ARFGEF2: variants seen among roughly 807,000 people sequenced by gnomAD.
The protein encoded by ARFGEF2 is ARF guanine nucleotide exchange factor 2, also known as brefeldin A-inhibited guanine nucleotide-exchange protein 2.
Under a neutral mutation model 219.9 loss-of-function variants are expected in ARFGEF2, and 74 were observed. The ratio of observed to expected loss-of-function variants is 0.34; its 90% CI spans 0.28 to 0.41. The LOEUF is 0.41. Among genes scored for constraint, ARFGEF2 ranks in the 10% least tolerant of loss-of-function variants. The pLI is 1.00. For synonymous variants in ARFGEF2, 733 were observed against 799.2 expected, an observed-to-expected ratio of 0.92 and a Z score of 1.40; for missense variants, 1,743 against 2,218.3, an observed-to-expected ratio of 0.79 and a Z score of 4.30.
At chr20:48,950,560 C>T (rs1792360246) in intron 3 of ARFGEF2, among the ~76,000 whole-genome samples, 1 of 151,588 alleles carries the variant, frequency 6.6e-6, no homozygotes, top group Admixed American at 6.6e-5. Flanking sequence ...TTTGAGATTA[C>T]AGGCAGGAGG....
At chr20:49,023,229 T>C (rs759744567) in intron 35 of ARFGEF2, 48 bp downstream of exon 35, 8 of 1,611,382 alleles carry the variant, frequency 5.0e-6, no homozygotes, top group Non-Finnish European at 5.9e-6. Context: ...ATAGGGAGGT[T>C]GCTTTGATGT....
intron 21 of ARFGEF2, among the ~76,000 whole-genome samples, chr20:48,992,104 G>C (rs570577577): frequency 2.6e-5 from 4 of 152,164 alleles, no homozygotes; most frequent in African/African-American, 9.7e-5. Flanking sequence ...AATTAAAAGA[G>C]ATTTCAGAAA....
chr20:49,013,426 C>T, intron 28 of ARFGEF2, 138 bp from the exon 29 acceptor site: 2 of 1,049,426 alleles, frequency 1.9e-6, no homozygotes, highest in Non-Finnish European at 2.9e-6. Flanking sequence ...TTTGTGTAGT[C>T]TGTTCCCACT....
chr20:48,987,892 A>G (rs1039412662), intron 16 of ARFGEF2, among the ~76,000 whole-genome samples: 8 of 152,096 alleles, frequency 5.3e-5, no homozygotes, highest in Admixed American at 2.0e-4. Flanking sequence ...GGTTCAGGCA[A>G]TTCTCCTGCC....
At chr20:48,982,164 T>G (rs1015848406) in intron 14 of ARFGEF2, among the ~76,000 whole-genome samples, 1 of 152,152 alleles carries the variant, frequency 6.6e-6, no homozygotes, top group Admixed American at 6.5e-5. Context: ...CAGATGGGGT[T>G]TTGGTGTGGA....
At chr20:48,998,274 C>T (rs577213889) in intron 24 of ARFGEF2, 41 bp downstream of exon 24, 68 of 1,613,960 alleles carry the variant, frequency 4.2e-5, no homozygotes, top group Non-Finnish European at 5.6e-5. Context: ...AGAAGCCTCA[C>T]GCTGTGACCG....
At chr20:49,025,137 C>T (rs2091593862) in intron 35 of ARFGEF2, among the ~76,000 whole-genome samples, 176 bp from the exon 36 acceptor site, 1 of 152,210 alleles carries the variant, frequency 6.6e-6, no homozygotes, top group Admixed American at 6.5e-5. Context: ...CAGTGTGTTC[C>T]TTCACCAGCC....
chr20:48,953,741 A>G lies in ARFGEF2; in HGVS notation c.789A>G (p.Val263=). ...ATGCCAGGAGTGATTCTGGAAAAGT[A>G]AGCACAGAAAATGGAGACGCACCCA... ...GEHARSDSGK[V]STENGDAPRE... The change falls in exon 6 of 39, where the codon GTA becomes GTG. Residue 263 remains valine (V), a synonymous_variant. Coordinates refer to ENST00000371917, the MANE Select transcript of ARFGEF2 (RefSeq NM_006420.3). 6.2e-7 allele frequency: 1 copy of G among 1,614,222 alleles called. No individual in the cohort carries two copies. The highest frequency in any genetic ancestry group is 8.5e-7 in the Non-Finnish European group (1 of 1,180,024).
chr20:48,943,179 A>G (rs1405199760), intron 3 of ARFGEF2, among the ~76,000 whole-genome samples: 2 of 152,244 alleles, frequency 1.3e-5, no homozygotes, highest in African/African-American at 2.4e-5. Context: ...TGAAACAAGG[A>G]GGCATAGTGT....
chr20:48,929,507 T>G (rs1032387280), intron 1 of ARFGEF2, among the ~76,000 whole-genome samples: 1 of 152,078 alleles, frequency 6.6e-6, no homozygotes, highest in East Asian at 1.9e-4. Context: ...AGTTTGCAGT[T>G]GAATGGGGTA....
chr20:49,008,714 T>G (rs1038106976), intron 26 of ARFGEF2, among the ~76,000 whole-genome samples: 2 of 144,324 alleles, frequency 1.4e-5, no homozygotes, highest in South Asian at 2.2e-4. Context: ...AAGGTTTTTT[T>G]TTTTTTTTTT....
chr20:49,013,719 C>T (rs753536154), intron 29 of ARFGEF2, 25 bp downstream of exon 29: 3 of 1,614,008 alleles, frequency 1.9e-6, no homozygotes, highest in Non-Finnish European at 2.5e-6. Flanking sequence ...GTGCGGTGGC[C>T]CCTTACATCA....
chr20:48,953,940 G>T, intron 6 of ARFGEF2, 150 bp downstream of exon 6: 2 of 858,314 alleles, frequency 2.3e-6, no homozygotes, highest in South Asian at 2.9e-5. Flanking sequence ...TTCTCTTAGG[G>T]AACACAACCA....
intron 7 of ARFGEF2, among the ~76,000 whole-genome samples, chr20:48,965,563 T>G (rs2091182095): frequency 6.6e-6 from 1 of 152,204 alleles, no homozygotes; most frequent in Non-Finnish European, 1.5e-5. Context: ...GCTTCTAATC[T>G]TTTTCAAAAG....
chr20:48,999,826 A>G (rs1390174858), intron 25 of ARFGEF2, among the ~76,000 whole-genome samples: 1 of 152,200 alleles, frequency 6.6e-6, no homozygotes, highest in Non-Finnish European at 1.5e-5. Flanking sequence ...AAAGGTAATA[A>G]TAACAGCTTC....
At position 48,979,942 on chromosome 20, in the gene ARFGEF2, T is replaced by A. The variant is rs1293123337; in HGVS notation, c.1958+3743T>A. 7.1e-5 allele frequency among the ~76,000 whole-genome samples: 10 copies of A among 141,236 alleles called. No individual in the cohort carries two copies. In the East Asian group the frequency reaches 2.5e-3, roughly 35 times the overall value. The allele number at this position is 141,236 out of a possible 152,430, so 92.7% of individuals were successfully genotyped here. A position where few individuals can be genotyped will look rare whatever the true frequency, so the allele number is the denominator to read the frequency against. ...TTTAAAAAAACAGCTCCTGGATTCGTTGATTTTTTTTTGAAGGGTTTTTTA... is the reference window on the plus strand; with the variant it reads ...TTTAAAAAAACAGCTCCTGGATTCGATGATTTTTTTTTGAAGGGTTTTTTA... On this transcript the variant is annotated intron_variant, in intron 14 of 38. Transcript: ENST00000371917.
At chr20:48,993,526 CTG>C (rs1269600313) in intron 21 of ARFGEF2, among the ~76,000 whole-genome samples, 1 of 152,206 alleles carries the variant, frequency 6.6e-6, no homozygotes, top group African/African-American at 2.4e-5. Context: ...GTCCTGGACT[CTG>C]GGACTGAGTT....
intron 3 of ARFGEF2, among the ~76,000 whole-genome samples, chr20:48,946,231 C>T (rs2091025598): frequency 6.6e-6 from 1 of 152,156 alleles, no homozygotes; most frequent in Non-Finnish European, 1.5e-5. Context: ...GTAGGAGTGG[C>T]AAAGGTGCTT....
At position 48,958,175 on chromosome 20, in the gene ARFGEF2, C is replaced by T. The variant is rs142554505; in HGVS notation, c.838+4385C>T. The stretch of plus-strand genomic sequence containing the variant: ...ATAAATGTCTTCACACAAGCACCTA[C>T]ATATAAACACACAGGCCTAATAAAA... On this transcript the variant is annotated intron_variant, in intron 6 of 38. Coordinates refer to ENST00000371917, the MANE Select transcript of ARFGEF2 (RefSeq NM_006420.3). Among the ~76,000 whole-genome samples the T allele has an allele frequency of 1.9e-3, 287 of 152,302 alleles. 1 individual carries two copies. The highest frequency in any genetic ancestry group is 6.6e-3 in the African/African-American group (274 of 41,554).
Sources: allele counts gnomAD v4.1 joint callset (sites outside exome capture counted in the v4.1 genomes callset), GRCh38; gene constraint gnomAD v4.1.1; transcripts MANE v1.5; gene names NCBI Gene and HGNC (gene_info 2026-07-23, HGNC 2026-07-21).